CLSTN2: variants seen among roughly 807,000 people sequenced by gnomAD.
CLSTN2 encodes calsyntenin-2.
In CLSTN2, 48 loss-of-function variants were observed where a neutral mutation model predicts 101.2. The ratio of observed to expected loss-of-function variants is 0.47; its 90% CI spans 0.38 to 0.60. The LOEUF is 0.60. Ranked by LOEUF, CLSTN2 falls within the 20% of genes least tolerant of loss-of-function variation. The pLI, the probability that CLSTN2 is intolerant of heterozygous loss-of-function variation, is 0.00. For missense variants in CLSTN2, 1,160 were observed against 1,238.2 expected (o/e 0.94, Z 0.95); for synonymous variants, 481 against 463.6 (o/e 1.04, Z -0.48).
At chr3:140,480,593 C>T (rs535728631) in intron 8 of CLSTN2, among the ~76,000 whole-genome samples, 2 of 152,342 alleles carry the variant, frequency 1.3e-5, no homozygotes, top group South Asian at 4.1e-4. Flanking sequence ...TTCTCCACAT[C>T]CTCTCTAGCA....
At chr3:140,170,018 T>C (rs2107824865) in intron 1 of CLSTN2, among the ~76,000 whole-genome samples, 1 of 152,310 alleles carries the variant, frequency 6.6e-6, no homozygotes, top group Middle Eastern at 3.4e-3. Flanking sequence ...AGAAGAAATT[T>C]TATGTTTCAT....
chr3:140,572,199 A>G lies in CLSTN2; in HGVS notation c.*5946A>G, dbSNP rs573721600. On this transcript the variant is annotated 3_prime_UTR_variant, in exon 17 of 17. Transcript: ENST00000458420. ...ACAGCTACCCACCCTAAGTCAGATG[A>G]CAGGTGTAATTCTAGGGGCCCTGAT... 6.6e-6 allele frequency: 1 copy of G among 152,328 alleles called. No individual in the cohort carries two copies. Among genetic ancestry groups the G allele is most frequent in the East Asian group, 1.9e-4 (1 of 5,178 alleles). 9.4% of individuals were successfully genotyped at this position (152,328 alleles called of 1,614,324 possible).
chr3:140,213,907 G>A (rs2010889025), intron 2 of CLSTN2, among the ~76,000 whole-genome samples: 1 of 152,124 alleles, frequency 6.6e-6, no homozygotes, highest in African/African-American at 2.4e-5. Flanking sequence ...AGGATTTGCT[G>A]GAGGGATATG....
intron 2 of CLSTN2, among the ~76,000 whole-genome samples, chr3:140,271,237 C>T (rs908843763): frequency 6.6e-6 from 1 of 152,062 alleles, no homozygotes; most frequent in Non-Finnish European, 1.5e-5. Flanking sequence ...CATGAGATGG[C>T]AGAAGCCCAA....
intron 1 of CLSTN2, among the ~76,000 whole-genome samples, chr3:139,999,478 G>C (rs1164549233): frequency 6.6e-6 from 1 of 152,120 alleles, no homozygotes; most frequent in Non-Finnish European, 1.5e-5. Context: ...ATACCTCAAC[G>C]CTCTTCCTTT....
At chr3:140,009,481 C>A (rs977149098) in intron 1 of CLSTN2, among the ~76,000 whole-genome samples, 4 of 152,100 alleles carry the variant, frequency 2.6e-5, no homozygotes, top group African/African-American at 9.7e-5. Flanking sequence ...TATTTATTTG[C>A]TATTTATTCA....
rs141985679 is a variant in CLSTN2, at chr3:140,285,352, A to G, written c.232+109279A>G. ...ATTGGGGAGTTGGAAGATGGTATCA[A>G]TTATCTACTGGCAGCAGCTCCTGTT... On this transcript the variant is annotated intron_variant, in intron 2 of 16. Transcript: ENST00000458420. Among the ~76,000 whole-genome samples the G allele has an allele frequency of 2.4e-3, 366 of 152,260 alleles. 2 individuals are homozygous for G. Among genetic ancestry groups the G allele is most frequent in the African/African-American group, 8.1e-3 (338 of 41,546 alleles).
chr3:140,438,847 G>A (rs989457169), intron 5 of CLSTN2, among the ~76,000 whole-genome samples: 11 of 152,246 alleles, frequency 7.2e-5, no homozygotes, highest in Non-Finnish European at 1.2e-4. Flanking sequence ...TCTGCTGGAT[G>A]TGTTTCTGTT....
chr3:140,546,818 G>A lies in CLSTN2; in HGVS notation c.1674+137G>A, dbSNP rs532945755. The A allele has an allele frequency of 6.5e-5, 48 of 743,948 alleles. No homozygotes were observed. The East Asian group carries it at 1.1e-3, about 16-fold the overall frequency. 46.1% of individuals were successfully genotyped at this position (743,948 alleles called of 1,614,324 possible). A position where few individuals can be genotyped will look rare whatever the true frequency, so the allele number is the denominator to read the frequency against. Reference sequence around the variant, plus strand: ...GGCAACAAGGCAAAGGTGCAGCCACGAGATGGGGGTTCCGGAGGGAGATTA... The same window carrying A: ...GGCAACAAGGCAAAGGTGCAGCCACAAGATGGGGGTTCCGGAGGGAGATTA... On this transcript the variant is annotated intron_variant, in intron 10 of 16. Transcript: ENST00000458420.
At chr3:140,067,174 G>T (rs1317487849) in intron 1 of CLSTN2, among the ~76,000 whole-genome samples, 1 of 152,118 alleles carries the variant, frequency 6.6e-6, no homozygotes, top group Non-Finnish European at 1.5e-5. Context: ...GGCAACCCTG[G>T]GACCTACTTG....
At chr3:140,459,375 C>T (rs1933497957) in intron 6 of CLSTN2, 146 bp from the exon 7 acceptor site, 7 of 896,716 alleles carry the variant, frequency 7.8e-6, no homozygotes, top group African/African-American at 3.3e-5. Context: ...GCATTTAGCA[C>T]TTCTTTTCCT....
At chr3:140,186,760 A>C (rs2107834301) in intron 2 of CLSTN2, among the ~76,000 whole-genome samples, 1 of 152,344 alleles carries the variant, frequency 6.6e-6, no homozygotes, top group Non-Finnish European at 1.5e-5. Flanking sequence ...GCTGGGCCAC[A>C]GTAAGTGACA....
At chr3:140,555,214 C>T (rs947210297) in intron 10 of CLSTN2, among the ~76,000 whole-genome samples, 3 of 152,184 alleles carry the variant, frequency 2.0e-5, no homozygotes, top group East Asian at 1.9e-4. Flanking sequence ...TCTTCCATAG[C>T]GTATGAATCA....
At chr3:140,494,600 G>A (rs921126443) in intron 8 of CLSTN2, among the ~76,000 whole-genome samples, 2 of 152,126 alleles carry the variant, frequency 1.3e-5, no homozygotes, top group African/African-American at 2.4e-5. Flanking sequence ...TATTCTTCCT[G>A]ATGCTCTCTC....
chr3:140,305,298 A>G (rs1366577879), intron 2 of CLSTN2, among the ~76,000 whole-genome samples: 1 of 152,144 alleles, frequency 6.6e-6, no homozygotes, highest in Non-Finnish European at 1.5e-5. Context: ...ACAAGGAGCA[A>G]AATTAGAAAT....
intron 15 of CLSTN2, 137 bp from the exon 16 acceptor site, chr3:140,563,824 G>T: frequency 1.3e-6 from 1 of 783,434 alleles, no homozygotes; most frequent in South Asian, 1.6e-5. Flanking sequence ...ACAGGGTAAG[G>T]TACTGCTCTA....
At position 140,511,487 on chromosome 3, in the gene CLSTN2, A is replaced by T. The variant is rs1455166873; in HGVS notation, c.1345-20837A>T. ...TGAACTAATTTATGCTCCCACCAACAGTGTAAAAGCATTCTCTTACTCTGC... is the reference window on the plus strand; with the variant it reads ...TGAACTAATTTATGCTCCCACCAACTGTGTAAAAGCATTCTCTTACTCTGC... On this transcript the variant is annotated intron_variant, in intron 8 of 16. Transcript: ENST00000458420. Among the ~76,000 whole-genome samples the T allele has an allele frequency of 2.0e-5, 3 of 150,406 alleles. No individual in the cohort carries two copies. In the South Asian group the frequency reaches 6.3e-4, roughly 32 times the overall value.
chr3:140,236,785 G>A (rs1305304003), intron 2 of CLSTN2, among the ~76,000 whole-genome samples: 13 of 149,092 alleles, frequency 8.7e-5, no homozygotes, highest in East Asian at 2.0e-4. Flanking sequence ...TAATCCCAAT[G>A]TTGTTTTTGT....
chr3:140,228,611 C>A (rs2086343922), intron 2 of CLSTN2, among the ~76,000 whole-genome samples: 1 of 152,164 alleles, frequency 6.6e-6, no homozygotes, highest in Non-Finnish European at 1.5e-5. Context: ...AGTTCATTTT[C>A]ATGCTGCTGA....
Sources: allele counts gnomAD v4.1 joint callset (sites outside exome capture counted in the v4.1 genomes callset), GRCh38; gene constraint gnomAD v4.1.1; transcripts MANE v1.5; gene names NCBI Gene and HGNC (gene_info 2026-07-23, HGNC 2026-07-21).